The following SLC67A1 variants were observed in gnomAD, a reference collection of about 807,000 sequenced individuals.
The protein encoded by SLC67A1 is solute carrier family 67 member A1.
chr11:2,916,337 C>T, the SLC67A1 span: 17 of 398,526 alleles, frequency 4.3e-5, no homozygotes, highest in Admixed American at 8.9e-5. Context: ...CTGCCCCAGG[C>T]GCTCACCAGC....
chr11:2,899,756 A>T, the SLC67A1 span: 1 of 1,435,872 alleles, frequency 7.0e-7, no homozygotes, highest in Non-Finnish European at 9.1e-7. Flanking sequence ...TCCTCTGCTC[A>T]ACCAGTTCCC....
the SLC67A1 span, chr11:2,922,088 C>G: frequency 6.2e-7 from 1 of 1,603,592 alleles, no homozygotes; most frequent in Non-Finnish European, 8.5e-7. Context: ...TCTACCCTCT[C>G]TGTCTGGCTC....
the SLC67A1 span, chr11:2,925,233 C>T: frequency 1.3e-6 from 2 of 1,586,970 alleles, no homozygotes; most frequent in Non-Finnish European, 1.7e-6. The surrounding 1 kb of genome is among the most constrained non-coding windows in gnomAD (Gnocchi z 6.5). Context: ...TAAACTCCTA[C>T]TAAATCCCTC....
the SLC67A1 span, chr11:2,916,943 G>A: frequency 1.8e-6 from 1 of 559,568 alleles, no homozygotes; most frequent in South Asian, 2.5e-5. Flanking sequence ...TGGAAGTGGG[G>A]CTCCGGCAGG....
At chr11:2,903,081 C>A in the SLC67A1 span, 2 of 654,596 alleles carry the variant, frequency 3.1e-6, no homozygotes, top group Non-Finnish European at 4.5e-6. Flanking sequence ...CTCCCCTCCC[C>A]GGGAGGCTGT....
chr11:2,905,193 G>T, the SLC67A1 span, among the ~76,000 whole-genome samples: 15 of 152,190 alleles, frequency 9.9e-5, no homozygotes, highest in Non-Finnish European at 1.2e-4. Context: ...GCATGGAGAC[G>T]GTCATGGGCT....
the SLC67A1 span, chr11:2,908,388 C>A: frequency 7.5e-7 from 1 of 1,331,248 alleles, no homozygotes; most frequent in Non-Finnish European, 1.0e-6. Context: ...CCCTCTCAGA[C>A]GCCATGGGCT....
the SLC67A1 span, chr11:2,922,048 C>T: frequency 1.3e-5 from 18 of 1,344,074 alleles, no homozygotes; most frequent in African/African-American, 7.2e-5. Context: ...ACAGTCCAGA[C>T]GCCCCTCCCT....
chr11:2,925,057 C>T, the SLC67A1 span: 1 of 1,613,710 alleles, frequency 6.2e-7, no homozygotes, highest in Admixed American at 1.7e-5. This position sits in a 1 kb window ranked among gnomAD's most constrained non-coding sequence, Gnocchi z 6.5. Context: ...GCTCCGAACT[C>T]TGGGACCCAC....
At chr11:2,915,453 G>A in the SLC67A1 span, among the ~76,000 whole-genome samples, 1 of 152,178 alleles carries the variant, frequency 6.6e-6, no homozygotes, top group Non-Finnish European at 1.5e-5. Context: ...GCCCTGGCCA[G>A]GGCAGATTTG....
chr11:2,899,759 C>T, the SLC67A1 span: 2 of 1,434,092 alleles, frequency 1.4e-6, no homozygotes, highest in African/African-American at 2.9e-5. Context: ...TCTGCTCAAC[C>T]AGTTCCCTGG....
At chr11:2,902,498 C>A in the SLC67A1 span, 4 of 799,398 alleles carry the variant, frequency 5.0e-6, no homozygotes, top group South Asian at 2.3e-4. Context: ...AGCCTCCCTG[C>A]ATCCCGGGAT....
At chr11:2,901,165 C>T in the SLC67A1 span, among the ~76,000 whole-genome samples, 8 of 152,302 alleles carry the variant, frequency 5.3e-5, no homozygotes, top group East Asian at 7.7e-4. Flanking sequence ...CTTTTTCTTC[C>T]GAAGCTGCTT....
chr11:2,921,618 C>CCTGGTGTCCCTGGTGTGGGCCTTT, the SLC67A1 span: 2 of 119,510 alleles, frequency 1.7e-5, no homozygotes, highest in African/African-American at 7.0e-5. Context: ...CGAGCCCATC[C>CCTGGTGTCCCTGGTGTGGGCCTTT]CCGGGAGCAG....
the SLC67A1 span, chr11:2,925,214 G>C: frequency 6.2e-7 from 1 of 1,608,392 alleles, no homozygotes; most frequent in Admixed American, 1.7e-5. This position sits in a 1 kb window ranked among gnomAD's most constrained non-coding sequence, Gnocchi z 6.5. Flanking sequence ...CCCAGACACA[G>C]ACTGGCAATA....
chr11:2,903,896 G>A, the SLC67A1 span, among the ~76,000 whole-genome samples: 1 of 152,272 alleles, frequency 6.6e-6, no homozygotes, highest in South Asian at 2.1e-4. Context: ...GCACCTGCCC[G>A]CAGCTTCTAT....
the SLC67A1 span, chr11:2,925,052 G>T: frequency 6.2e-7 from 1 of 1,613,558 alleles, no homozygotes; most frequent in Non-Finnish European, 8.5e-7. This position sits in a 1 kb window ranked among gnomAD's most constrained non-coding sequence, Gnocchi z 6.5. Context: ...CCACTGCTCC[G>T]AACTCTGGGA....
the SLC67A1 span, among the ~76,000 whole-genome samples, chr11:2,902,042 G>C: frequency 1.3e-5 from 2 of 152,352 alleles, no homozygotes; most frequent in South Asian, 4.1e-4. Context: ...CCCGGGCACC[G>C]GGCAGGATTC....
the SLC67A1 span, among the ~76,000 whole-genome samples, chr11:2,917,500 G>T: frequency 3.9e-4 from 60 of 152,354 alleles, no homozygotes; most frequent in Admixed American, 6.5e-4. Context: ...GGGGCCTGTG[G>T]CTTCGCACTC....
Sources: allele counts gnomAD v4.1 joint callset (sites outside exome capture counted in the v4.1 genomes callset), GRCh38; gene constraint gnomAD v4.1.1; non-coding constraint Gnocchi (gnomAD v3.1); transcripts MANE v1.5; gene names NCBI Gene and HGNC (gene_info 2026-07-23, HGNC 2026-07-21).